The following TBL1X variants were observed in gnomAD, a reference collection of about 807,000 sequenced individuals.
The protein encoded by TBL1X is F-box-like/WD repeat-containing protein TBL1X.
A neutral mutation model predicts 50.7 loss-of-function variants in TBL1X; 10 were observed. That is an observed-to-expected ratio of 0.20 (90% CI 0.12 to 0.33). The LOEUF (loss-of-function observed/expected upper bound fraction) is 0.33. Among genes scored for constraint, TBL1X ranks in the 10% least tolerant of loss-of-function variants. TBL1X has a pLI of 1.00. For missense variants in TBL1X, 340 were observed against 504.4 expected, an observed-to-expected ratio of 0.67 and a Z score of 3.12; for synonymous variants, 190 against 214.7, an observed-to-expected ratio of 0.88 and a Z score of 1.01.
intron 5 of TBL1X, among the ~76,000 whole-genome samples, chrX:9,680,710 C>G (rs1030003252): frequency 8.9e-6 from 1 of 111,834 alleles, no homozygotes; most frequent in Non-Finnish European, 1.9e-5. Context: ...GTGAAAATTT[C>G]AGCAAATAGG....
chrX:9,473,702 A>G (rs1457467891), intron 1 of TBL1X, among the ~76,000 whole-genome samples: 3 of 112,159 alleles, frequency 2.7e-5, no homozygotes, highest in Non-Finnish European at 3.8e-5. Context: ...TTAATTCCCA[A>G]TTTGATTATG....
At chrX:9,497,434 CTT>C (rs2081976648) in intron 1 of TBL1X, among the ~76,000 whole-genome samples, 1 of 85,275 alleles carries the variant, frequency 1.2e-5, no homozygotes, top group African/African-American at 4.3e-5. Flanking sequence ...AAAAAAAAGA[CTT>C]ACACAGAGAA....
At chrX:9,639,671 T>C (rs1281757337) in intron 2 of TBL1X, 1 of 112,030 alleles carries the variant, frequency 8.9e-6, no homozygotes, top group African/African-American at 3.2e-5. Context: ...TGGGTGCCTT[T>C]GGTTTTCTTG....
chrX:9,605,985 T>G (rs779668874), intron 2 of TBL1X, among the ~76,000 whole-genome samples: 6 of 112,389 alleles, frequency 5.3e-5, no homozygotes, highest in African/African-American at 1.6e-4. Flanking sequence ...CTACAAACGT[T>G]AATGATCTCA....
At chrX:9,704,093 G>A (rs1455186331) in intron 12 of TBL1X, among the ~76,000 whole-genome samples, 2 of 111,992 alleles carry the variant, frequency 1.8e-5, no homozygotes, top group African/African-American at 3.2e-5. Flanking sequence ...TCAGCTCCCC[G>A]TTGTTCTGTC....
intron 13 of TBL1X, among the ~76,000 whole-genome samples, chrX:9,708,724 A>AAG (rs1569106771): frequency 1.1e-5 from 1 of 91,701 alleles, no homozygotes. Flanking sequence ...AAAAAAAAAA[A>AAG]GGGCATGGTG....
At chrX:9,478,940 G>A (rs1205916456) in intron 1 of TBL1X, among the ~76,000 whole-genome samples, 1 of 112,455 alleles carries the variant, frequency 8.9e-6, no homozygotes, top group East Asian at 2.8e-4. Flanking sequence ...AGCTAGAAAT[G>A]TCCTGGCTGA....
chrX:9,704,007 C>T (rs1208562477), intron 12 of TBL1X, among the ~76,000 whole-genome samples: 1 of 111,547 alleles, frequency 9.0e-6, no homozygotes, highest in Non-Finnish European at 1.9e-5. Context: ...TTGTTGGATT[C>T]CCAGCTGCCA....
At chrX:9,529,780 CAAA>C (rs60004258) in intron 2 of TBL1X, among the ~76,000 whole-genome samples, 9,609 of 80,573 alleles carry the variant, frequency 0.12, 438 homozygotes, top group Non-Finnish European at 0.13. Context: ...CTGTCTCTAC[CAAA>C]AAAAAAAAAA....
At chrX:9,545,684 C>T (rs1412012537) in intron 2 of TBL1X, among the ~76,000 whole-genome samples, 1 of 111,045 alleles carries the variant, frequency 9.0e-6, no homozygotes, top group East Asian at 2.8e-4. Flanking sequence ...TCTTCTCCTT[C>T]CCTTCACTCC....
intron 2 of TBL1X, among the ~76,000 whole-genome samples, chrX:9,530,092 T>C (rs955316705): frequency 1.8e-5 from 2 of 111,966 alleles, no homozygotes; most frequent in African/African-American, 6.5e-5. Context: ...TGAGCTCCTC[T>C]AGTTTTAGAA....
At chrX:9,704,137 G>T (rs1433115311) in intron 12 of TBL1X, among the ~76,000 whole-genome samples, 1 of 112,127 alleles carries the variant, frequency 8.9e-6, no homozygotes, top group Admixed American at 9.4e-5. Flanking sequence ...CCTGAGAAAG[G>T]CCCAAAGTCA....
Position 9,692,180 on chromosome X carries a change from G to A in TBL1X, c.817G>A (p.Val273Met), listed in dbSNP as rs1423338505. Residue 273 changes from valine (V) to methionine (M), a missense_variant, in exon 9 of 18, where the codon GTG becomes ATG. This residue lies in a region of TBL1X where 170 missense variants were observed against 272.6 expected (regional missense o/e 0.62). Transcript: ENST00000645353. ...ENSNGGSTQL[V>M]LRHCIREGGH... ...TAGCAACGGGGGCTCCACCCAGCTC[G>A]TGTTGAGGCACTGTATACGAGAGGG... is the stretch of plus-strand genomic sequence containing the variant. 4.1e-6 allele frequency: 5 copies of A among 1,210,669 alleles called. No homozygotes were observed. The Admixed American group carries it at 6.5e-5, about 16-fold the overall frequency.
chrX:9,616,913 T>A (rs1171079173), intron 2 of TBL1X, among the ~76,000 whole-genome samples: 1 of 111,876 alleles, frequency 8.9e-6, no homozygotes, highest in African/African-American at 3.2e-5. Flanking sequence ...GACCCAGCCC[T>A]TGGAAATTCT....
chrX:9,654,403 C>G, intron 5 of TBL1X, 81 bp downstream of exon 5: 1 of 983,782 alleles, frequency 1.0e-6, no homozygotes, highest in Non-Finnish European at 1.4e-6. Context: ...AATTCAAAAC[C>G]AGGCTGTAGA....
intron 1 of TBL1X, among the ~76,000 whole-genome samples, chrX:9,494,302 G>T (rs1257087298): frequency 1.8e-5 from 2 of 111,804 alleles, no homozygotes; most frequent in Non-Finnish European, 3.8e-5. Context: ...CTCTAGGGTT[G>T]TCTTATAGGG....
In TBL1X at chrX:9,687,932, C is replaced by T. The variant is rs1021082667; in HGVS notation, c.358-85C>T. 1.2e-5 allele frequency: 14 copies of T among 1,135,152 alleles called. No homozygotes were observed. The Admixed American group carries it at 2.1e-4, about 17-fold the overall frequency. The allele number at this position is 1,135,152 out of a possible 1,213,427, so 93.5% of individuals were successfully genotyped here. Reference sequence around the variant, plus strand: ...CAGCTGTTTACGCCCCACTTCCCTGCGCTTCTCCTGCCCAGAGAGCAGAGG... The same window carrying T: ...CAGCTGTTTACGCCCCACTTCCCTGTGCTTCTCCTGCCCAGAGAGCAGAGG... On this transcript the variant is annotated intron_variant, in intron 6 of 17. Transcript: ENST00000645353.
intron 12 of TBL1X, among the ~76,000 whole-genome samples, chrX:9,703,371 C>T (rs1228266530): frequency 1.8e-5 from 2 of 111,129 alleles, no homozygotes; most frequent in East Asian, 2.9e-4. Context: ...GTCTCGGCAT[C>T]GCATGGCCTT....
intron 2 of TBL1X, among the ~76,000 whole-genome samples, chrX:9,547,667 C>A (rs1234759178): frequency 9.1e-6 from 1 of 109,840 alleles, no homozygotes; most frequent in Non-Finnish European, 1.9e-5. Flanking sequence ...TTTCAGGTTC[C>A]CAGTGGAAAT....
Sources: allele counts gnomAD v4.1 joint callset (sites outside exome capture counted in the v4.1 genomes callset), GRCh38; gene constraint gnomAD v4.1.1; regional missense constraint gnomAD v4.1.1; transcripts MANE v1.5; gene names NCBI Gene and HGNC (gene_info 2026-07-23, HGNC 2026-07-21).